Variants in AASS observed in about 807,000 individuals in gnomAD.
The protein encoded by AASS is alpha-aminoadipic semialdehyde synthase, mitochondrial.
A neutral mutation model predicts 105.4 loss-of-function variants in AASS; 86 were observed. The observed-to-expected ratio is 0.82, with a 90% CI of 0.69 to 0.98. AASS has a LOEUF of 0.98. AASS is among the 50% of genes least tolerant of loss of function. The probability of loss-of-function intolerance (pLI) is 0.00; values close to 1 mark genes in which losing one functional copy is unlikely to be tolerated. For synonymous variants in AASS, 381 were observed against 394.8 expected (o/e 0.96, Z 0.41); for missense variants, 1,048 against 1,143.2 (o/e 0.92, Z 1.20).
At chr7:122,088,329 A>G (rs1274886233) in intron 18 of AASS, among the ~76,000 whole-genome samples, 1 of 152,104 alleles carries the variant, frequency 6.6e-6, no homozygotes, top group African/African-American at 2.4e-5. Flanking sequence ...TAATAAGGAA[A>G]TATACAATCA....
chr7:122,137,590 A>G (rs1796209382), intron 1 of AASS, among the ~76,000 whole-genome samples: 1 of 152,170 alleles, frequency 6.6e-6, no homozygotes, highest in Non-Finnish European at 1.5e-5. Flanking sequence ...TTATAGTATA[A>G]CTGCTAGTTA....
At chr7:122,107,333 T>A in intron 11 of AASS, among the ~76,000 whole-genome samples, 1 of 152,198 alleles carries the variant, frequency 6.6e-6, no homozygotes, top group East Asian at 1.9e-4. Flanking sequence ...GTGTGGCAAT[T>A]CCTCAAAGAG....
chr7:122,143,681 G>T (rs538375005), intron 1 of AASS, among the ~76,000 whole-genome samples: 1 of 151,920 alleles, frequency 6.6e-6, no homozygotes, highest in Non-Finnish European at 1.5e-5. Context: ...GGGGAGGGAA[G>T]GGGGAAAGAA....
chr7:122,077,757 G>A (rs1562898158), intron 23 of AASS, 81 bp downstream of exon 23: 1 of 1,526,002 alleles, frequency 6.6e-7, no homozygotes, highest in Non-Finnish European at 9.1e-7. Context: ...TTACGCTCAA[G>A]AGCAATTACT....
At chr7:122,120,272 G>A (rs1795382554) in intron 4 of AASS, among the ~76,000 whole-genome samples, 1 of 152,022 alleles carries the variant, frequency 6.6e-6, no homozygotes, top group African/African-American at 2.4e-5. Context: ...TGATACTTAA[G>A]TTTTCAATTT....
chr7:122,086,596 AATT>A (rs1277226433), intron 18 of AASS, among the ~76,000 whole-genome samples: 6 of 151,668 alleles, frequency 4.0e-5, no homozygotes, highest in African/African-American at 1.4e-4. Context: ...AAATAAACAA[AATT>A]ATTTTATATA....
At chr7:122,130,970 G>A (rs150046953) in intron 2 of AASS, among the ~76,000 whole-genome samples, 62 of 150,616 alleles carry the variant, frequency 4.1e-4, no homozygotes, top group African/African-American at 1.3e-3. Flanking sequence ...ATAGTAGACA[G>A]CCTTCTGTAT....
At chr7:122,131,898 CCT>C (rs1795933124) in intron 2 of AASS, among the ~76,000 whole-genome samples, 2 of 151,924 alleles carry the variant, frequency 1.3e-5, no homozygotes, top group South Asian at 4.2e-4. Context: ...AGAGAAGCCC[CCT>C]TGGAAGGACT....
intron 20 of AASS, among the ~76,000 whole-genome samples, chr7:122,080,335 AAC>A (rs1349025398): frequency 1.3e-5 from 2 of 152,212 alleles, no homozygotes; most frequent in Non-Finnish European, 2.9e-5. Flanking sequence ...GTTTTATTGA[AAC>A]ACAGTCATGC....
At chr7:122,139,485 T>C (rs1006402361) in intron 1 of AASS, among the ~76,000 whole-genome samples, 5 of 152,162 alleles carry the variant, frequency 3.3e-5, no homozygotes, top group Non-Finnish European at 5.9e-5. Context: ...GTGAGGCCCA[T>C]AGAAATAGGG....
chr7:122,126,649 GT>G (rs1346579974), intron 3 of AASS, among the ~76,000 whole-genome samples, 190 bp from the exon 4 acceptor site: 2 of 152,120 alleles, frequency 1.3e-5, no homozygotes, highest in Non-Finnish European at 2.9e-5. Flanking sequence ...TGGTAGGCTT[GT>G]AATTAGAAAT....
intron 19 of AASS, among the ~76,000 whole-genome samples, chr7:122,082,558 G>A (rs1408100060): frequency 6.6e-6 from 1 of 152,150 alleles, no homozygotes. Context: ...TGAAGGTATT[G>A]AAAGCAGGGA....
At chr7:122,124,907 G>A (rs1424105364) in intron 4 of AASS, among the ~76,000 whole-genome samples, 1 of 152,040 alleles carries the variant, frequency 6.6e-6, no homozygotes, top group Non-Finnish European at 1.5e-5. Flanking sequence ...TGAGGTGAGT[G>A]AATAAAAACA....
At position 122,073,784 on chromosome 7, in the gene AASS, A is replaced by T. The variant is rs79208795; in HGVS notation, c.*2705T>A. On this transcript the variant is annotated 3_prime_UTR_variant, in exon 24 of 24. Coordinates refer to ENST00000417368, the MANE Select transcript of AASS (RefSeq NM_005763.4). ...GCAACCACTAATCTGCCTTCTCTCTATATATATTCGCCTGTTCTGGACATT... is the reference window on the plus strand; with the variant it reads ...GCAACCACTAATCTGCCTTCTCTCTTTATATATTCGCCTGTTCTGGACATT... 6.6e-6 allele frequency among the ~76,000 whole-genome samples: 1 copy of T among 152,244 alleles called. No homozygotes were observed. The highest frequency in any genetic ancestry group is 1.9e-4 in the East Asian group (1 of 5,172).
intron 6 of AASS, among the ~76,000 whole-genome samples, 186 bp from the exon 7 acceptor site, chr7:122,117,143 G>A (rs1449634551): frequency 6.6e-6 from 1 of 152,120 alleles, no homozygotes; most frequent in Non-Finnish European, 1.5e-5. Context: ...TTTTATTCCT[G>A]TTAGAACAGC....
chr7:122,128,737 T>C (rs1450589678), intron 3 of AASS, among the ~76,000 whole-genome samples: 1 of 152,186 alleles, frequency 6.6e-6, no homozygotes, highest in Non-Finnish European at 1.5e-5. Context: ...TTTTTCATAG[T>C]ATTTCTATCT....
chr7:122,085,919 A>G, intron 19 of AASS, 93 bp downstream of exon 19: 2 of 1,429,662 alleles, frequency 1.4e-6, no homozygotes, highest in East Asian at 2.3e-5. Context: ...TTGGTTTATC[A>G]TCTTAATTAT....
chr7:122,110,590 G>A (rs748439733), intron 11 of AASS, among the ~76,000 whole-genome samples: 1 of 151,740 alleles, frequency 6.6e-6, no homozygotes, highest in Non-Finnish European at 1.5e-5. Context: ...ATGTTCCTGA[G>A]ACCAAAAATA....
At chr7:122,079,783 C>G in intron 20 of AASS, 71 bp from the exon 21 acceptor site, 1 of 962,890 alleles carries the variant, frequency 1.0e-6, no homozygotes, top group East Asian at 2.5e-5. Context: ...GAAAAATTAT[C>G]CTACTAAAAC....
Sources: allele counts gnomAD v4.1 joint callset (sites outside exome capture counted in the v4.1 genomes callset), GRCh38; gene constraint gnomAD v4.1.1; transcripts MANE v1.5; gene names NCBI Gene and HGNC (gene_info 2026-07-23, HGNC 2026-07-21).